Variants in SYNJ2 observed in about 807,000 individuals in gnomAD.
SYNJ2 encodes synaptojanin 2, also known as polyphosphatidylinositol phosphatase SYNJ2.
SYNJ2 carries 116 observed loss-of-function variants against 141.3 expected under a neutral mutation model. That is an observed-to-expected ratio of 0.82 (90% CI 0.71 to 0.96). SYNJ2 has a LOEUF of 0.96. SYNJ2 is among the 40% of genes least tolerant of loss of function. The pLI is 0.00. For missense variants in SYNJ2, 1,873 were observed against 1,934.8 expected (o/e 0.97, Z 0.60); for synonymous variants, 745 against 777.7 (o/e 0.96, Z 0.70).
At chr6:158,035,967 GAA>G (rs71777302) in intron 4 of SYNJ2, among the ~76,000 whole-genome samples, 34 of 116,810 alleles carry the variant, frequency 2.9e-4, no homozygotes, top group African/African-American at 8.9e-4. Flanking sequence ...AAATTTCCAA[GAA>G]AAAAAAAAAA....
At chr6:158,014,926 T>C (rs1778394013) in intron 1 of SYNJ2, among the ~76,000 whole-genome samples, 1 of 152,168 alleles carries the variant, frequency 6.6e-6, no homozygotes, top group Admixed American at 6.6e-5. Flanking sequence ...CCAATCCCAG[T>C]TGGGACTTGT....
rs558600689 is a variant in SYNJ2 at position 158,066,558 on chromosome 6, G to A, written c.1640G>A (p.Ser547Asn). ...WNVNGGKQFRSNVLRTAELTD... is the reference protein window; with the variant it reads ...WNVNGGKQFRNNVLRTAELTD... ...GTGAACGGAGGAAAGCAGTTCCGGA[G>A]CAACGTGCTCAGGACGGCGGAGCTG... The change falls in exon 12 of 27, where the codon AGC (serine) becomes AAC (asparagine). Residue 547 changes from serine (S) to asparagine (N), a missense_variant. By Grantham distance (46) the Ser-to-Asn change is conservative. Coordinates refer to ENST00000355585, the MANE Select transcript of SYNJ2 (RefSeq NM_003898.4). The A allele has an allele frequency of 3.1e-6, 5 of 1,614,186 alleles. No homozygotes were observed. The highest frequency in any genetic ancestry group is 1.1e-5 in the South Asian group (1 of 91,088).
rs377427855 is a variant in SYNJ2, at chr6:158,088,640, G to A, written c.3344-20G>A. The A allele has an allele frequency of 6.3e-7, 1 of 1,594,164 alleles. No homozygotes were observed. The highest frequency in any genetic ancestry group is 1.3e-5 in the African/African-American group (1 of 74,430). ...GTGCCTTCACTGAGATTGAGACTCT[G>A]CCCTCGTTGGTTTTTACAGCCGGTT... On this transcript the variant is annotated intron_variant, in intron 23 of 26. Transcript: ENST00000355585.
At chr6:158,088,329 G>A (rs1783213503) in intron 23 of SYNJ2, among the ~76,000 whole-genome samples, 1 of 151,876 alleles carries the variant, frequency 6.6e-6, no homozygotes, top group South Asian at 2.1e-4. Flanking sequence ...TTAAAAATCT[G>A]GTCCTAGCAA....
chr6:158,078,458 A>G (rs1235340292), intron 18 of SYNJ2, 177 bp downstream of exon 18: 3 of 444,008 alleles, frequency 6.8e-6, no homozygotes, highest in Non-Finnish European at 1.2e-5. Context: ...TGGACCCACC[A>G]CCAAGAACTA....
chr6:158,028,098 CT>C (rs2128335663), intron 2 of SYNJ2: 1 of 153,462 alleles, frequency 6.5e-6, no homozygotes, highest in South Asian at 2.0e-4. Flanking sequence ...ATTGGACCAG[CT>C]GGAGGACAGC....
intron 6 of SYNJ2, among the ~76,000 whole-genome samples, chr6:158,058,153 TG>T (rs1159523410): frequency 6.6e-6 from 1 of 152,346 alleles, no homozygotes; most frequent in African/African-American, 2.4e-5. Flanking sequence ...AAGAGAAAGA[TG>T]TTTAAAGAAG....
intron 1 of SYNJ2, among the ~76,000 whole-genome samples, chr6:157,985,296 C>T (rs980825502): frequency 2.0e-5 from 3 of 152,164 alleles, no homozygotes; most frequent in South Asian, 2.1e-4. Context: ...ACACTAGGGC[C>T]GTCTGGCCTG....
At position 158,029,007 on chromosome 6, in the gene SYNJ2, TG is replaced by T. The variant is rs758933578; in HGVS notation, c.471del (p.Asn158ThrfsTer13). ...TQKQGDDSSE[W>X]GNSFFWNQLL... ...GAAGCAGGGGGATGACAGCTCTGAATGGGGGAACTCCTTCTTCTGGTGAGGC... is the reference window on the plus strand; with the variant it reads ...GAAGCAGGGGGATGACAGCTCTGAATGGGGAACTCCTTCTTCTGGTGAGGC... On this transcript the variant is annotated frameshift_variant, in exon 3 of 27. Coordinates refer to ENST00000355585, the MANE Select transcript of SYNJ2 (RefSeq NM_003898.4). LOFTEE classifies it high-confidence loss of function. The T allele has an allele frequency of 1.3e-6, 2 of 1,502,056 alleles. No homozygotes were observed. Among genetic ancestry groups the T allele is most frequent in the African/African-American group, 4.2e-5 (2 of 47,552 alleles). The allele number at this position is 1,502,056 out of a possible 1,614,324, so 93.0% of individuals were successfully genotyped here.
chr6:158,045,488 G>A (rs1340218373), intron 5 of SYNJ2, among the ~76,000 whole-genome samples: 1 of 152,160 alleles, frequency 6.6e-6, no homozygotes, highest in Non-Finnish European at 1.5e-5. Flanking sequence ...TCCGACTCTT[G>A]GTGAATTCCT....
Position 158,064,664 on chromosome 6 carries a change from G to A in SYNJ2, c.1273G>A (p.Glu425Lys), listed in dbSNP as rs1781447812. Residue 425 changes from glutamate (E) to lysine (K), a missense_variant, in exon 10 of 27, where the codon GAG becomes AAG. Physicochemically the swap from Glu to Lys is moderately conservative, Grantham distance 56. Transcript: ENST00000355585. The part of the protein sequence containing the change: ...SSKPIVDRFV[E>K]SFKAMWSLNG... Reference sequence around the variant, plus strand: ...AAAACCCATCGTTGACCGCTTTGTGGAGTCCTTCAAAGCCATGTGGTCTCT... The same window carrying A: ...AAAACCCATCGTTGACCGCTTTGTGAAGTCCTTCAAAGCCATGTGGTCTCT... 6.2e-7 allele frequency: 1 copy of A among 1,614,008 alleles called. No individual in the cohort carries two copies. The highest frequency in any genetic ancestry group is 8.5e-7 in the Non-Finnish European group (1 of 1,180,034).
intron 1 of SYNJ2, among the ~76,000 whole-genome samples, chr6:158,016,806 C>A (rs1157657470): frequency 6.6e-6 from 1 of 152,176 alleles, no homozygotes; most frequent in Non-Finnish European, 1.5e-5. Flanking sequence ...CCCCAAGTTA[C>A]CACCTCCACA....
intron 6 of SYNJ2, among the ~76,000 whole-genome samples, chr6:158,055,442 T>G (rs930665199): frequency 7.9e-5 from 12 of 152,092 alleles, no homozygotes; most frequent in African/African-American, 2.9e-4. Context: ...GTTACCACTC[T>G]CAGAGATTTT....
Position 158,040,470 on chromosome 6 carries a change from G to A in SYNJ2, c.712-2846G>A, listed in dbSNP as rs906181137. The stretch of plus-strand genomic sequence containing the variant: ...GGCTCTGCTGAGTCATAGCTGGTGG[G>A]CTTGCTCTGCAGTGCTGACTCACCA... On this transcript the variant is annotated intron_variant, in intron 4 of 26. Coordinates refer to ENST00000355585, the MANE Select transcript of SYNJ2 (RefSeq NM_003898.4). The surrounding 1 kb of genome is among the most constrained non-coding windows in gnomAD (Gnocchi z 4.2). Among the ~76,000 whole-genome samples, 12 of 151,984 alleles carry A rather than the reference G, an allele frequency of 7.9e-5. No homozygotes were observed. The highest frequency in any genetic ancestry group is 2.1e-4 in the South Asian group (1 of 4,824).
chr6:158,041,125 A>G (rs1040231848), intron 4 of SYNJ2, among the ~76,000 whole-genome samples: 2 of 152,156 alleles, frequency 1.3e-5, no homozygotes, highest in Admixed American at 1.3e-4. Flanking sequence ...ACAAGGTGAC[A>G]TGAACTTCAT....
intron 1 of SYNJ2, among the ~76,000 whole-genome samples, chr6:158,014,504 T>C (rs528255346): frequency 9.4e-4 from 143 of 152,382 alleles, no homozygotes; most frequent in African/African-American, 3.4e-3. Context: ...CTATGGAACA[T>C]AGCTACTGTG....
chr6:158,083,484 T>A lies in SYNJ2; in HGVS notation c.2921T>A (p.Leu974Ter). Residue 974 changes from leucine to a stop codon, truncating the protein, a stop_gained, in exon 21 of 27, where the codon TTG becomes TAG. Transcript: ENST00000355585. LOFTEE classifies it high-confidence loss of function. ...AAGACCAAGGACTGGCTGAAAGGTT[T>A]GCGAGAGGAGATCATTCGGAAACGA... is the stretch of plus-strand genomic sequence containing the variant. Reference protein sequence around the residue: ...RPKTKDWLKGLREEIIRKRDS... With the variant: ...RPKTKDWLKG 6.2e-7 allele frequency: 1 copy of A among 1,614,162 alleles called. No homozygotes were observed. The highest frequency in any genetic ancestry group is 8.5e-7 in the Non-Finnish European group (1 of 1,180,024).
chr6:158,030,604 AATCAAG>A (rs1779309766), intron 3 of SYNJ2: 1 of 152,428 alleles, frequency 6.6e-6, no homozygotes, highest in African/African-American at 2.4e-5. Context: ...AATGCACGTG[AATCAAG>A]GCTGGGCATG....
intron 1 of SYNJ2, among the ~76,000 whole-genome samples, chr6:158,000,608 G>A (rs867387969): frequency 1.3e-5 from 2 of 152,260 alleles, no homozygotes; most frequent in African/African-American, 2.4e-5. Context: ...ATTCTGGATT[G>A]AAATATGGAG....
Sources: allele counts gnomAD v4.1 joint callset (sites outside exome capture counted in the v4.1 genomes callset), GRCh38; gene constraint gnomAD v4.1.1; non-coding constraint Gnocchi (gnomAD v3.1); transcripts MANE v1.5; gene names NCBI Gene and HGNC (gene_info 2026-07-23, HGNC 2026-07-21).